Variants in ADAMTSL1 observed in about 807,000 individuals in gnomAD.
The protein encoded by ADAMTSL1 is ADAMTS-like protein 1.
A neutral mutation model predicts 201.8 loss-of-function variants in ADAMTSL1; 126 were observed. That is an observed-to-expected ratio of 0.62 (90% CI 0.54 to 0.72). The LOEUF (loss-of-function observed/expected upper bound fraction) is 0.72. ADAMTSL1 is among the 30% of genes least tolerant of loss of function. The pLI is 0.00. For missense variants in ADAMTSL1, 2,679 were observed against 2,277.8 expected, an observed-to-expected ratio of 1.18 and a Z score of -3.59; for synonymous variants, 1,121 against 903.4, an observed-to-expected ratio of 1.24 and a Z score of -4.32.
intron 3 of ADAMTSL1, 130 bp from the exon 4 acceptor site, chr9:18,573,900 A>C: frequency 1.5e-6 from 1 of 681,700 alleles, no homozygotes; most frequent in Non-Finnish European, 2.5e-6. Context: ...TGATATTATA[A>C]GTTCCATCTA....
At chr9:18,718,038 G>A (rs1249832863) in intron 14 of ADAMTSL1, 2 of 1,575,970 alleles carry the variant, frequency 1.3e-6, no homozygotes, top group South Asian at 2.2e-5. Flanking sequence ...CTGTTAATCT[G>A]CCGCACTAGG....
In ADAMTSL1 at chr9:18,776,835, TC is replaced by T; in HGVS notation, c.2607del (p.Tyr870ThrfsTer88). The T allele has an allele frequency of 6.3e-7, 1 of 1,594,174 alleles. No individual in the cohort carries two copies. Among genetic ancestry groups the T allele is most frequent in the Non-Finnish European group, 8.5e-7 (1 of 1,170,728 alleles). ...CCGCACATCGCGGCCGCCAGGAAGG[TC>T]TACATACAGACTCGCAGGCAGAGGA... ...HSPHIAAARK[V>X]YIQTRRQRKL... On this transcript the variant is annotated frameshift_variant, in exon 19 of 29. Coordinates refer to ENST00000380548, the MANE Select transcript of ADAMTSL1 (RefSeq NM_001040272.6). LOFTEE classifies it high-confidence loss of function.
chr9:18,136,069 G>A (rs936721701), intron 1 of ADAMTSL1, among the ~76,000 whole-genome samples: 34 of 152,050 alleles, frequency 2.2e-4, no homozygotes, highest in African/African-American at 7.5e-4. Context: ...CCCATGCCTC[G>A]CACTGCCTCC....
chr9:18,079,671 G>A lies in ADAMTSL1; in HGVS notation c.88-84191G>A, dbSNP rs545917391. 3.3e-4 allele frequency among the ~76,000 whole-genome samples: 50 copies of A among 149,472 alleles called. 1 individual carries two copies. The highest frequency in any genetic ancestry group is 1.1e-3 in the African/African-American group (44 of 40,436). On this transcript the variant is annotated intron_variant, in intron 1 of 29. Coordinates refer to the ADAMTSL1 transcript ENST00000680146. ...CACTCCAGTCTGGGAGACAGAGCGA[G>A]ACTCTGTCTCAAAATAAATAAATAA...
chr9:18,731,265 C>G (rs1324874097), intron 15 of ADAMTSL1, among the ~76,000 whole-genome samples: 1 of 152,228 alleles, frequency 6.6e-6, no homozygotes, highest in African/African-American at 2.4e-5. Flanking sequence ...CTCACTTGCT[C>G]TGTAGCATGG....
chr9:18,764,432 T>C (rs1222511153), intron 16 of ADAMTSL1, among the ~76,000 whole-genome samples: 1 of 152,230 alleles, frequency 6.6e-6, no homozygotes, highest in Non-Finnish European at 1.5e-5. Context: ...GATCATATCA[T>C]CTGCAAACAA....
At chr9:17,945,530 G>A (rs1030407063) in intron 1 of ADAMTSL1, among the ~76,000 whole-genome samples, 121 of 151,910 alleles carry the variant, frequency 8.0e-4, no homozygotes, top group African/African-American at 2.9e-3. Flanking sequence ...TGTTTATTGC[G>A]GCATTATTCA....
At chr9:18,281,307 A>G (rs569511734) in intron 2 of ADAMTSL1, among the ~76,000 whole-genome samples, 1 of 152,326 alleles carries the variant, frequency 6.6e-6, no homozygotes, top group Non-Finnish European at 1.5e-5. Flanking sequence ...TCACCAGACT[A>G]TGGAGGATTC....
intron 25 of ADAMTSL1, among the ~76,000 whole-genome samples, chr9:18,890,998 G>C (rs1211904866): frequency 6.6e-6 from 1 of 152,094 alleles, no homozygotes; most frequent in Non-Finnish European, 1.5e-5. Flanking sequence ...AACACCTCTT[G>C]CCTGCTTCCT....
At chr9:18,592,695 G>T (rs951522891) in intron 4 of ADAMTSL1, among the ~76,000 whole-genome samples, 1 of 152,110 alleles carries the variant, frequency 6.6e-6, no homozygotes, top group Admixed American at 6.6e-5. Flanking sequence ...GATAGCTTTG[G>T]CTATTCTGGG....
chr9:17,939,723 C>A (rs1018166847), intron 1 of ADAMTSL1, among the ~76,000 whole-genome samples: 4 of 152,034 alleles, frequency 2.6e-5, no homozygotes, highest in African/African-American at 9.7e-5. Context: ...CATTGTACTC[C>A]CATACTATAT....
chr9:17,954,331 A>G (rs1214458772), intron 1 of ADAMTSL1, among the ~76,000 whole-genome samples: 1 of 152,228 alleles, frequency 6.6e-6, no homozygotes, highest in African/African-American at 2.4e-5. Flanking sequence ...GCAAGTCAAT[A>G]AGGCCAGCCT....
At chr9:18,219,561 G>A (rs890724672) in intron 2 of ADAMTSL1, among the ~76,000 whole-genome samples, 2 of 151,908 alleles carry the variant, frequency 1.3e-5, no homozygotes, top group South Asian at 4.1e-4. Context: ...TAGAGACAGG[G>A]TTTCACCACA....
chr9:18,632,609 C>T (rs150288416), intron 5 of ADAMTSL1, among the ~76,000 whole-genome samples: 93 of 152,164 alleles, frequency 6.1e-4, no homozygotes, highest in African/African-American at 2.1e-3. Context: ...GGGGCTAGTG[C>T]TTTGTTTATC....
chr9:18,317,956 C>A (rs1373474974), intron 2 of ADAMTSL1, among the ~76,000 whole-genome samples: 1 of 152,250 alleles, frequency 6.6e-6, no homozygotes, highest in South Asian at 2.1e-4. Flanking sequence ...TAGTGCAGGA[C>A]AATATAGAGC....
At chr9:18,343,379 A>C (rs1347447728) in intron 2 of ADAMTSL1, among the ~76,000 whole-genome samples, 1 of 152,038 alleles carries the variant, frequency 6.6e-6, no homozygotes, top group East Asian at 1.9e-4. Context: ...AATATCTAAA[A>C]ATGAGGTTTT....
At chr9:18,140,592 AAAAT>A (rs1020043947) in intron 1 of ADAMTSL1, among the ~76,000 whole-genome samples, 10 of 152,292 alleles carry the variant, frequency 6.6e-5, no homozygotes, top group African/African-American at 2.4e-4. Context: ...AGCACATACC[AAAAT>A]TCTAGACTCC....
chr9:17,988,914 A>AT (rs34662651), intron 1 of ADAMTSL1, among the ~76,000 whole-genome samples: 12 of 151,670 alleles, frequency 7.9e-5, no homozygotes, highest in South Asian at 6.3e-4. Flanking sequence ...ATTTTTAGGC[A>AT]TTTTTTCCCC....
chr9:18,428,445 A>AG (rs893362962), intron 2 of ADAMTSL1, among the ~76,000 whole-genome samples: 2 of 150,700 alleles, frequency 1.3e-5, no homozygotes, highest in African/African-American at 2.4e-5. Flanking sequence ...AAAAAAAAAA[A>AG]AAAAAGAAAA....
Sources: gnomAD v4.1 joint callset for allele counts (sites outside exome capture counted in the v4.1 genomes callset) on GRCh38, gnomAD v4.1.1 for gene constraint, MANE v1.5 for transcripts, NCBI Gene and HGNC (gene_info 2026-07-23, HGNC 2026-07-21) for gene names.